Variants in CCSER1 observed in about 807,000 individuals in gnomAD.
CCSER1 encodes coiled-coil serine rich protein 1, also known as serine-rich coiled-coil domain-containing protein 1.
In CCSER1, 41 loss-of-function variants were observed where a neutral mutation model predicts 82.0. The observed-to-expected ratio is 0.50, with a 90% confidence interval of 0.39 to 0.65. CCSER1 has a LOEUF of 0.65. CCSER1 is among the 30% of genes least tolerant of loss of function. CCSER1 has a pLI of 0.00. For synonymous variants in CCSER1, 414 were observed against 383.9 expected (o/e 1.08, Z -0.92); for missense variants, 1,119 against 1,064.2 (o/e 1.05, Z -0.72).
At chr4:91,542,495 T>C (rs1055077579) in intron 10 of CCSER1, among the ~76,000 whole-genome samples, 8 of 152,064 alleles carry the variant, frequency 5.3e-5, no homozygotes, top group African/African-American at 1.4e-4. Context: ...GATTCTGTTA[T>C]GTTGTGTGTT....
At chr4:90,231,854 A>T (rs1378627419) in intron 1 of CCSER1, among the ~76,000 whole-genome samples, 5 of 150,414 alleles carry the variant, frequency 3.3e-5, no homozygotes, top group African/African-American at 1.2e-4. Flanking sequence ...CCAAATCATG[A>T]GTGAACTCCC....
intron 9 of CCSER1, among the ~76,000 whole-genome samples, chr4:91,008,276 T>C (rs975050821): frequency 2.0e-5 from 3 of 152,202 alleles, no homozygotes; most frequent in Non-Finnish European, 4.4e-5. Flanking sequence ...TATTTTAAAA[T>C]TAATTTTCTG....
At chr4:90,460,918 C>T (rs1762816397) in intron 4 of CCSER1, among the ~76,000 whole-genome samples, 2 of 152,240 alleles carry the variant, frequency 1.3e-5, no homozygotes, top group South Asian at 4.1e-4. Flanking sequence ...CTGCACTCGA[C>T]TTTTTCCCCT....
At chr4:91,206,693 ATATC>A (rs1560515443) in intron 10 of CCSER1, among the ~76,000 whole-genome samples, 1 of 151,838 alleles carries the variant, frequency 6.6e-6, no homozygotes. Context: ...CTGCACAGGT[ATATC>A]TATCTGGTCA....
chr4:90,463,777 C>A (rs1211680890), intron 4 of CCSER1, among the ~76,000 whole-genome samples: 2 of 151,792 alleles, frequency 1.3e-5, no homozygotes, highest in African/African-American at 2.4e-5. Context: ...ATATCAAAAA[C>A]ACATTACTTA....
intron 1 of CCSER1, among the ~76,000 whole-genome samples, chr4:90,304,613 A>G (rs1323779378): frequency 6.6e-6 from 1 of 152,100 alleles, no homozygotes; most frequent in African/African-American, 2.4e-5. Context: ...ACACATGGAC[A>G]CAGGAAGGGG....
At chr4:90,245,558 T>C (rs984775570) in intron 1 of CCSER1, among the ~76,000 whole-genome samples, 6 of 152,214 alleles carry the variant, frequency 3.9e-5, no homozygotes, top group Non-Finnish European at 8.8e-5. Context: ...TTATTTCTTA[T>C]GTCTTGTAAA....
chr4:91,304,628 T>A (rs1036015657), intron 10 of CCSER1, among the ~76,000 whole-genome samples: 1 of 152,066 alleles, frequency 6.6e-6, no homozygotes, highest in Non-Finnish European at 1.5e-5. Context: ...AGCCAGAATT[T>A]AATTAGATCG....
chr4:90,744,485 A>G (rs1469216927), intron 7 of CCSER1, among the ~76,000 whole-genome samples: 1 of 152,240 alleles, frequency 6.6e-6, no homozygotes. Flanking sequence ...AAAAATGAAT[A>G]CTTCTTATAT....
At chr4:91,226,241 A>G (rs1012422356) in intron 10 of CCSER1, among the ~76,000 whole-genome samples, 5 of 151,980 alleles carry the variant, frequency 3.3e-5, no homozygotes, top group African/African-American at 1.2e-4. Flanking sequence ...CAAGGCAGCA[A>G]ATGATGGTGA....
At chr4:90,771,450 G>C (rs926289156) in intron 7 of CCSER1, among the ~76,000 whole-genome samples, 3 of 149,740 alleles carry the variant, frequency 2.0e-5, no homozygotes, top group Non-Finnish European at 1.5e-5. Flanking sequence ...TGAATTGGTA[G>C]ATATAAATAT....
intron 3 of CCSER1, among the ~76,000 whole-genome samples, chr4:90,382,535 A>G (rs1749363978): frequency 1.3e-5 from 2 of 152,212 alleles, no homozygotes; most frequent in East Asian, 3.9e-4. Context: ...TGAGGTAGCA[A>G]TGATTTTATT....
chr4:91,442,793 C>A (rs1402586783), intron 10 of CCSER1, among the ~76,000 whole-genome samples: 2 of 150,414 alleles, frequency 1.3e-5, no homozygotes, highest in Admixed American at 6.6e-5. Flanking sequence ...ACAAACAACC[C>A]CATCAAAAAG....
At position 90,359,448 on chromosome 4, in the gene CCSER1, C is replaced by G. The variant is rs563832985; in HGVS notation, c.1510-40588C>G. 7.6e-4 allele frequency among the ~76,000 whole-genome samples: 116 copies of G among 152,058 alleles called. No homozygotes were observed. In the South Asian group the frequency reaches 0.023, roughly 30 times the overall value. On this transcript the variant is annotated intron_variant, in intron 3 of 10. Transcript: ENST00000509176. Reference sequence around the variant, plus strand: ...GCATGGCTTTTAGAGTACATAAAATCAGTCCTCTGGGCAGGGCGCGGTGCC... The same window carrying G: ...GCATGGCTTTTAGAGTACATAAAATGAGTCCTCTGGGCAGGGCGCGGTGCC...
At chr4:90,713,341 G>A (rs140349940) in intron 6 of CCSER1, among the ~76,000 whole-genome samples, 278 of 152,144 alleles carry the variant, frequency 1.8e-3, no homozygotes, top group Non-Finnish European at 3.5e-3. Context: ...AGGCCTGGTA[G>A]TGATGAATTC....
chr4:90,168,733 A>C (rs531051353), intron 1 of CCSER1, among the ~76,000 whole-genome samples: 1 of 150,326 alleles, frequency 6.7e-6, no homozygotes, highest in South Asian at 2.1e-4. Flanking sequence ...TAAATAGGGA[A>C]TCCTTTCCCC....
chr4:90,945,615 C>T (rs1370514063), intron 9 of CCSER1, among the ~76,000 whole-genome samples: 1 of 152,116 alleles, frequency 6.6e-6, no homozygotes, highest in African/African-American at 2.4e-5. Context: ...CCTGCTTTTC[C>T]ACAAACAGAC....
chr4:90,695,209 A>G (rs1736796449), intron 6 of CCSER1, among the ~76,000 whole-genome samples: 1 of 151,762 alleles, frequency 6.6e-6, no homozygotes, highest in Non-Finnish European at 1.5e-5. Flanking sequence ...TAAAAGCCTC[A>G]GATAATGTGA....
rs9998903 is a variant in CCSER1 at position 91,077,183 on chromosome 4, G to A, written c.2173-8767G>A. Among the ~76,000 whole-genome samples the A allele has an allele frequency of 7.5e-3, 1,145 of 152,178 alleles. 14 individuals are homozygous for A. Among genetic ancestry groups the A allele is most frequent in the African/African-American group, 0.024 (992 of 41,510 alleles). ...AGGGAACCCCCATTAAATACAGAGG[G>A]TATTCAGTAGAGAGCACAGAGGGAC... On this transcript the variant is annotated intron_variant, in intron 9 of 10. Coordinates refer to ENST00000509176, the MANE Select transcript of CCSER1 (RefSeq NM_001145065.2).
Sources: allele counts gnomAD v4.1 joint callset (sites outside exome capture counted in the v4.1 genomes callset), GRCh38; gene constraint gnomAD v4.1.1; transcripts MANE v1.5; gene names NCBI Gene and HGNC (gene_info 2026-07-23, HGNC 2026-07-21).